Variants in SSTR2 observed in about 807,000 individuals in gnomAD.
SSTR2 encodes somatostatin receptor 2.
SSTR2 carries 10 observed loss-of-function variants against 21.4 expected under a neutral mutation model. The observed-to-expected ratio is 0.47, with a 90% CI of 0.29 to 0.79. The LOEUF (loss-of-function observed/expected upper bound fraction) is 0.79, where lower values mean the gene tolerates loss of function less well. Among genes scored for constraint, SSTR2 ranks in the 30% least tolerant of loss-of-function variants. The pLI, the probability that SSTR2 is intolerant of heterozygous loss-of-function variation, is 0.10. For missense variants in SSTR2, 364 were observed against 468.8 expected (o/e 0.78, Z 2.06); for synonymous variants, 177 against 181.3 (o/e 0.98, Z 0.19).
Position 73,169,197 on chromosome 17 carries a change from C to T in SSTR2, c.-92-31C>T, listed in dbSNP as rs2061225592. On this transcript the variant is annotated intron_variant, in intron 1 of 1. Transcript: ENST00000357585. This position sits in a 1 kb window ranked among gnomAD's most constrained non-coding sequence, Gnocchi z 5.2. Reference sequence around the variant, plus strand: ...GGTGAGACTTTAAACAGCCTGTGACCGACGGGCCAATCTTCCTCTTTTCCT... The same window carrying T: ...GGTGAGACTTTAAACAGCCTGTGACTGACGGGCCAATCTTCCTCTTTTCCT... 8.9e-6 allele frequency: 11 copies of T among 1,231,164 alleles called. No individual in the cohort carries two copies. The highest frequency in any genetic ancestry group is 1.1e-5 in the Non-Finnish European group (10 of 909,742). 76.3% of individuals were successfully genotyped at this position (1,231,164 alleles called of 1,614,324 possible). A position where few individuals can be genotyped will look rare whatever the true frequency, so the allele number is the denominator to read the frequency against.
rs928403381 is a variant in SSTR2 at position 73,174,246 on chromosome 17, G to A, written c.*3817G>A. ...GAGAGGAACACGCGGGCCAGTGGATGAGGCTTCTAGACCTGGCAGTGAACT... is the reference window on the plus strand; with the variant it reads ...GAGAGGAACACGCGGGCCAGTGGATAAGGCTTCTAGACCTGGCAGTGAACT... On this transcript the variant is annotated 3_prime_UTR_variant, in exon 2 of 2. Transcript: ENST00000357585. 4 of 152,158 alleles carry A rather than the reference G, an allele frequency of 2.6e-5. No homozygotes were observed. The highest frequency in any genetic ancestry group is 2.6e-4 in the Admixed American group (4 of 15,268). 9.4% of individuals were successfully genotyped at this position (152,158 alleles called of 1,614,324 possible).
chr17:73,169,101 G>C lies in SSTR2; in HGVS notation c.-92-127G>C, dbSNP rs980436135. On this transcript the variant is annotated intron_variant, in intron 1 of 1. Coordinates refer to ENST00000357585, the MANE Select transcript of SSTR2 (RefSeq NM_001050.3). This position sits in a 1 kb window ranked among gnomAD's most constrained non-coding sequence, Gnocchi z 5.2. Reference sequence around the variant, plus strand: ...ATGAGGAACTCTAGAGCTTAATGTTGATGTGGAAAGATAATACATTTTTCA... The same window carrying C: ...ATGAGGAACTCTAGAGCTTAATGTTCATGTGGAAAGATAATACATTTTTCA... 2 of 582,842 alleles carry C rather than the reference G, an allele frequency of 3.4e-6. No homozygotes were observed. The highest frequency in any genetic ancestry group is 3.7e-5 in the African/African-American group (2 of 53,772). The allele number at this position is 582,842 out of a possible 1,614,324, so 36.1% of individuals were successfully genotyped here.
At position 73,169,299 on chromosome 17, in the gene SSTR2, G is replaced by A. The variant is rs1317012721; in HGVS notation, c.-21G>A. 1 of 1,605,238 alleles carries A rather than the reference G, an allele frequency of 6.2e-7. No individual in the cohort carries two copies. Among genetic ancestry groups the A allele is most frequent in the African/African-American group, 1.3e-5 (1 of 74,774 alleles). On this transcript the variant is annotated 5_prime_UTR_variant, in exon 2 of 2. Coordinates refer to ENST00000357585, the MANE Select transcript of SSTR2 (RefSeq NM_001050.3). This position sits in a 1 kb window ranked among gnomAD's most constrained non-coding sequence, Gnocchi z 5.2. ...AAGATCTCTGGGCTGGCTGGAACTA[G>A]CCTAAGACTGAAAAGCAGCCATGGA...
Position 73,170,699 on chromosome 17 carries a change from A to T in SSTR2, c.*270A>T. ...AGAAGAGGGATCATGCCTGGATATG[A>T]TCTTTAGAAACAACAAAAATAGAAA... On this transcript the variant is annotated 3_prime_UTR_variant, in exon 2 of 2. Transcript: ENST00000357585. The T allele has an allele frequency of 1.6e-6, 1 of 635,718 alleles. No homozygotes were observed. 39.4% of individuals were successfully genotyped at this position (635,718 alleles called of 1,614,324 possible).
In SSTR2 at chr17:73,170,094, T is replaced by C. The variant is rs773249563; in HGVS notation, c.775T>C (p.Ser259Pro). The change falls in exon 2 of 2, where the codon TCC becomes CCC. Residue 259 changes from serine to proline, a missense_variant. This residue lies in a region of SSTR2 where 193 missense variants were observed against 273.1 expected (regional missense o/e 0.71). Coordinates refer to ENST00000357585, the MANE Select transcript of SSTR2 (RefSeq NM_001050.3). Reference protein sequence around the residue: ...KSEKKVTRMVSIVVAVFIFCW... With the variant: ...KSEKKVTRMVPIVVAVFIFCW... ...TGAGAAGAAGGTCACCCGAATGGTG[T>C]CCATCGTGGTGGCTGTCTTCATCTT... The C allele has an allele frequency of 4.3e-6, 7 of 1,614,184 alleles. No homozygotes were observed. The highest frequency in any genetic ancestry group is 5.9e-6 in the Non-Finnish European group (7 of 1,180,030).
Position 73,175,277 on chromosome 17 carries a change from C to T in SSTR2, c.*4848C>T, listed in dbSNP as rs2061245871. On this transcript the variant is annotated 3_prime_UTR_variant, in exon 2 of 2. Coordinates refer to ENST00000357585, the MANE Select transcript of SSTR2 (RefSeq NM_001050.3). ...TAATATGTGAATTTCTGGGAACATT[C>T]CCATGGGCAGCCTCTAATTTTTTTT... 6.6e-6 allele frequency: 1 copy of T among 150,530 alleles called. No homozygotes were observed. The highest frequency in any genetic ancestry group is 1.5e-5 in the Non-Finnish European group (1 of 67,860). 9.3% of individuals were successfully genotyped at this position (150,530 alleles called of 1,614,324 possible).
In SSTR2 at chr17:73,175,951, C is replaced by T. The variant is rs573420715; in HGVS notation, c.*5522C>T. Reference sequence around the variant, plus strand: ...GACAGAAAGGGAAGCCCAGGATGAACCCAGTCCTAAGGGCTGCTGGGGGCC... The same window carrying T: ...GACAGAAAGGGAAGCCCAGGATGAATCCAGTCCTAAGGGCTGCTGGGGGCC... On this transcript the variant is annotated 3_prime_UTR_variant, in exon 2 of 2. Coordinates refer to ENST00000357585, the MANE Select transcript of SSTR2 (RefSeq NM_001050.3). 75 of 152,298 alleles carry T rather than the reference C, an allele frequency of 4.9e-4. No individual in the cohort carries two copies. The highest frequency in any genetic ancestry group is 1.8e-3 in the African/African-American group (74 of 41,540). The allele number at this position is 152,298 out of a possible 1,614,324, so 9.4% of individuals were successfully genotyped here.
In SSTR2 at chr17:73,170,302, G is replaced by T. The variant is rs1194473460; in HGVS notation, c.983G>T (p.Cys328Phe). ...AAGAAGAGCTTCCAGAATGTCCTCT[G>T]CTTGGTCAAGGTGAGCGGCACAGAT... ...NFKKSFQNVL[C>F]LVKVSGTDDG... The change falls in exon 2 of 2, where the codon TGC becomes TTC. Residue 328 changes from cysteine to phenylalanine, a missense_variant. Physicochemically the swap from Cys to Phe is radical, Grantham distance 205 (BLOSUM62 -2). Transcript: ENST00000357585. 1 of 1,613,840 alleles carries T rather than the reference G, an allele frequency of 6.2e-7. No individual in the cohort carries two copies. The highest frequency in any genetic ancestry group is 1.3e-5 in the African/African-American group (1 of 74,848).
chr17:73,175,826 G>C lies in SSTR2; in HGVS notation c.*5397G>C, dbSNP rs2061247538. The C allele has an allele frequency of 6.6e-6, 1 of 152,202 alleles. No homozygotes were observed. The highest frequency in any genetic ancestry group is 2.4e-5 in the African/African-American group (1 of 41,438). 9.4% of individuals were successfully genotyped at this position (152,202 alleles called of 1,614,324 possible). ...TGCAAAGCCACCTTCGACGAAATCT[G>C]AAATGATACCCCACAGCCTTGTCCA... On this transcript the variant is annotated 3_prime_UTR_variant, in exon 2 of 2. Coordinates refer to ENST00000357585, the MANE Select transcript of SSTR2 (RefSeq NM_001050.3).
rs917668282 is a variant in SSTR2 at position 73,170,687 on chromosome 17, T to C, written c.*258T>C. The C allele has an allele frequency of 3.0e-6, 2 of 659,054 alleles. No homozygotes were observed. The highest frequency in any genetic ancestry group is 3.6e-5 in the African/African-American group (2 of 56,038). 40.8% of individuals were successfully genotyped at this position (659,054 alleles called of 1,614,324 possible). Reference sequence around the variant, plus strand: ...TTCAAAGTCTGGAGAAGAGGGATCATGCCTGGATATGATCTTTAGAAACAA... The same window carrying C: ...TTCAAAGTCTGGAGAAGAGGGATCACGCCTGGATATGATCTTTAGAAACAA... On this transcript the variant is annotated 3_prime_UTR_variant, in exon 2 of 2. Coordinates refer to ENST00000357585, the MANE Select transcript of SSTR2 (RefSeq NM_001050.3).
intron 1 of SSTR2, among the ~76,000 whole-genome samples, chr17:73,165,925 A>C: frequency 7.0e-6 from 1 of 142,030 alleles, no homozygotes; most frequent in South Asian, 2.3e-4. Context: ...CTGCGCCCCG[A>C]TGTCTCTGTC....
rs869027402 is a variant in SSTR2, at chr17:73,165,298, GT to G, written c.-93+11del. 0.067 allele frequency: 4,447 copies of G among 66,336 alleles called. 102 individuals carry two copies. Among genetic ancestry groups the G allele is most frequent in the South Asian group, 0.14 (387 of 2,802 alleles). The allele number at this position is 66,336 out of a possible 1,614,324, so 4.1% of individuals were successfully genotyped here. On this transcript the variant is annotated intron_variant, in intron 1 of 1. Transcript: ENST00000357585. ...CAGCGGAAAAGCAAAGGTGAGGGGTGTGTGTGTGTGTGTGTGTGTGTGTGTG... is the reference window on the plus strand; with the variant it reads ...CAGCGGAAAAGCAAAGGTGAGGGGTGGTGTGTGTGTGTGTGTGTGTGTGTG...
In SSTR2 at chr17:73,165,297, T is replaced by G. The variant is rs33991343; in HGVS notation, c.-93+9T>G. 253 of 50,852 alleles carry G rather than the reference T, an allele frequency of 5.0e-3. 1 individual carries two copies. The highest frequency in any genetic ancestry group is 0.021 in the East Asian group (41 of 1,958). 3.2% of individuals were successfully genotyped at this position (50,852 alleles called of 1,614,324 possible). On this transcript the variant is annotated intron_variant, in intron 1 of 1. Transcript: ENST00000357585. ...GCAGCGGAAAAGCAAAGGTGAGGGG[T>G]GTGTGTGTGTGTGTGTGTGTGTGTG...
chr17:73,170,156 C>T lies in SSTR2; in HGVS notation c.837C>T (p.Ser279=), dbSNP rs199800631. The T allele has an allele frequency of 2.3e-5, 37 of 1,614,144 alleles. No homozygotes were observed. Among genetic ancestry groups the T allele is most frequent in the East Asian group, 6.7e-5 (3 of 44,882 alleles). ...CCTTCTACATATTCAACGTTTCTTCCGTCTCCATGGCCATCAGCCCCACCC... is the reference window on the plus strand; with the variant it reads ...CCTTCTACATATTCAACGTTTCTTCTGTCTCCATGGCCATCAGCCCCACCC... ...WLPFYIFNVS[S]VSMAISPTPA... is the part of the protein sequence containing the mutation. Residue 279 remains serine (S), a synonymous_variant, in exon 2 of 2, where the codon TCC becomes TCT. Coordinates refer to ENST00000357585, the MANE Select transcript of SSTR2 (RefSeq NM_001050.3).
Position 73,175,218 on chromosome 17 carries a change from G to A in SSTR2, c.*4789G>A, listed in dbSNP as rs1479203471. The A allele has an allele frequency of 1.3e-5, 2 of 151,636 alleles. No individual in the cohort carries two copies. Among genetic ancestry groups the A allele is most frequent in the African/African-American group, 4.8e-5 (2 of 41,272 alleles). The allele number at this position is 151,636 out of a possible 1,614,324, so 9.4% of individuals were successfully genotyped here. ...AAATTTCCCATCAAATGTTCTGTCA[G>A]AGTAAACCTTTACCTAAGTGCTTGT... On this transcript the variant is annotated 3_prime_UTR_variant, in exon 2 of 2. Coordinates refer to ENST00000357585, the MANE Select transcript of SSTR2 (RefSeq NM_001050.3).
Position 73,172,120 on chromosome 17 carries a change from C to T in SSTR2, c.*1691C>T, listed in dbSNP as rs2061237542. 6.6e-6 allele frequency: 1 copy of T among 151,896 alleles called. No homozygotes were observed. The highest frequency in any genetic ancestry group is 1.5e-5 in the Non-Finnish European group (1 of 68,038). The allele number at this position is 151,896 out of a possible 1,614,324, so 9.4% of individuals were successfully genotyped here. A position where few individuals can be genotyped will look rare whatever the true frequency, so the allele number is the denominator to read the frequency against. On this transcript the variant is annotated 3_prime_UTR_variant, in exon 2 of 2. Transcript: ENST00000357585. Reference sequence around the variant, plus strand: ...TGCTGCCTTCCTCACTGACTGTATACATAGTAACTGTCATATCTTTAATGC... The same window carrying T: ...TGCTGCCTTCCTCACTGACTGTATATATAGTAACTGTCATATCTTTAATGC...
rs1000959684 is a variant in SSTR2 at position 73,170,819 on chromosome 17, A to G, written c.*390A>G. Reference sequence around the variant, plus strand: ...GTATATTCCTATTTATTCTCTGTATAGGCATTACCTACGTTCCTGTGTTTA... The same window carrying G: ...GTATATTCCTATTTATTCTCTGTATGGGCATTACCTACGTTCCTGTGTTTA... On this transcript the variant is annotated 3_prime_UTR_variant, in exon 2 of 2. Transcript: ENST00000357585. 4.5e-6 allele frequency: 2 copies of G among 446,208 alleles called. No individual in the cohort carries two copies. Among genetic ancestry groups the G allele is most frequent in the Non-Finnish European group, 9.2e-6 (2 of 217,170 alleles). 27.6% of individuals were successfully genotyped at this position (446,208 alleles called of 1,614,324 possible). A position where few individuals can be genotyped will look rare whatever the true frequency, so the allele number is the denominator to read the frequency against.
At chr17:73,168,633 C>T (rs147502730) in intron 1 of SSTR2, among the ~76,000 whole-genome samples, 313 of 152,264 alleles carry the variant, frequency 2.1e-3, no homozygotes, top group Middle Eastern at 0.017. Flanking sequence ...ATGAGCCCAA[C>T]GCAAGGCTAG....
At chr17:73,165,950 C>A (rs901566768) in intron 1 of SSTR2, among the ~76,000 whole-genome samples, 49 of 151,670 alleles carry the variant, frequency 3.2e-4, no homozygotes, top group African/African-American at 1.1e-3. Flanking sequence ...GCGCCCCCCC[C>A]CCACACCCGG....
Sources: gnomAD v4.1 joint callset for allele counts (sites outside exome capture counted in the v4.1 genomes callset) on GRCh38, gnomAD v4.1.1 for gene constraint, gnomAD v4.1.1 regional missense constraint, Gnocchi (gnomAD v3.1) non-coding constraint, MANE v1.5 for transcripts, NCBI Gene and HGNC (gene_info 2026-07-23, HGNC 2026-07-21) for gene names.